DZANK1: variants seen among roughly 807,000 people sequenced by gnomAD.
DZANK1 encodes double zinc ribbon and ankyrin repeat-containing protein 1.
Under a neutral mutation model 94.5 loss-of-function variants are expected in DZANK1, and 91 were observed. That is an observed-to-expected ratio of 0.96 (90% confidence interval 0.81 to 1.15). The LOEUF (loss-of-function observed/expected upper bound fraction) is 1.15, where lower values mean the gene tolerates loss of function less well. Among genes scored for constraint, DZANK1 ranks in the 50% most tolerant of loss-of-function variants. DZANK1 has a pLI of 0.00. For synonymous variants in DZANK1, 312 were observed against 325.3 expected (o/e 0.96, Z 0.44); for missense variants, 903 against 916.4 (o/e 0.99, Z 0.19).
intron 2 of DZANK1, among the ~76,000 whole-genome samples, chr20:18,461,138 C>T (rs899603654): frequency 1.2e-4 from 19 of 152,224 alleles, no homozygotes; most frequent in African/African-American, 3.6e-4. Flanking sequence ...CAACCCACGA[C>T]ACCAGCTTCC....
intron 3 of DZANK1, among the ~76,000 whole-genome samples, chr20:18,459,881 T>C (rs1300971301): frequency 6.6e-6 from 1 of 152,190 alleles, no homozygotes; most frequent in Non-Finnish European, 1.5e-5. Context: ...AGGATCTTCC[T>C]TCCTGAAACC....
In DZANK1 at chr20:18,449,045, C is replaced by T. The variant is rs530328209; in HGVS notation, c.568G>A (p.Gly190Ser). 5.6e-6 allele frequency: 9 copies of T among 1,613,722 alleles called. No homozygotes were observed. The African/African-American group carries it at 6.7e-5, about 12-fold the overall frequency. ...TCCGTGCTTGTCAAACACTTCTGAC[C>T]GCTTACGTGTGCAAAACCGGGGGAC... Residue 190 changes from glycine to serine, a missense_variant, in exon 7 of 21, where the codon GGT becomes AGT. Physicochemically the swap from Gly to Ser is moderately conservative, Grantham distance 56. Transcript: ENST00000262547.
rs1446127199 is a variant in DZANK1, at chr20:18,452,752, TAA to T, written c.476-72_476-71del. The T allele has an allele frequency of 1.3e-5, 20 of 1,546,006 alleles. No individual in the cohort carries two copies. In the South Asian group the frequency reaches 2.4e-4, roughly 19 times the overall value. ...CCTACCTGGACGTCTACAATGATAT[TAA>T]AAACATTATTCTTTGAGCATCTGTA... On this transcript the variant is annotated intron_variant, in intron 5 of 20. Transcript: ENST00000262547.
chr20:18,384,110 A>G, exon 21 of DZANK1: 1 of 204,796 alleles, frequency 4.9e-6, no homozygotes, highest in Non-Finnish European at 9.7e-6. Context: ...CCCAGGCTGG[A>G]GTGCGATGGC....
intron 16 of DZANK1, 103 bp from the exon 17 acceptor site, chr20:18,393,914 T>A: frequency 1.3e-6 from 1 of 788,974 alleles, no homozygotes. Context: ...GAGGATAAAA[T>A]GGCTATCATA....
intron 7 of DZANK1, among the ~76,000 whole-genome samples, chr20:18,447,956 G>A (rs370796281): frequency 6.6e-6 from 1 of 152,070 alleles, no homozygotes; most frequent in Non-Finnish European, 1.5e-5. Flanking sequence ...ATGAAAACGT[G>A]TATACATAAT....
chr20:18,398,718 T>A, intron 13 of DZANK1, 92 bp from the exon 14 acceptor site: 1 of 1,255,390 alleles, frequency 8.0e-7, no homozygotes, highest in Non-Finnish European at 1.2e-6. Flanking sequence ...TTAGAGAGGT[T>A]AATTTCCTTT....
intron 9 of DZANK1, chr20:18,428,788 A>C (rs1323256448): frequency 1.3e-5 from 2 of 152,182 alleles, no homozygotes; most frequent in African/African-American, 4.8e-5. Flanking sequence ...AACAAAGCCC[A>C]GCTCCCAGGG....
At chr20:18,448,853 T>G (rs6081147) in intron 7 of DZANK1, 131 bp downstream of exon 7, 1 of 609,540 alleles carries the variant, frequency 1.6e-6, no homozygotes, top group Admixed American at 3.3e-5. Flanking sequence ...GGTGACAGAG[T>G]GAGACTCCGT....
At chr20:18,446,340 A>T (rs1295644875) in intron 7 of DZANK1, among the ~76,000 whole-genome samples, 1 of 152,202 alleles carries the variant, frequency 6.6e-6, no homozygotes, top group Non-Finnish European at 1.5e-5. Context: ...GGCCCAAAAG[A>T]TACAAGGAAA....
intron 13 of DZANK1, among the ~76,000 whole-genome samples, chr20:18,407,543 T>G (rs866761826): frequency 1.1e-4 from 16 of 152,292 alleles, no homozygotes; most frequent in South Asian, 2.1e-4. Flanking sequence ...ATCACCAGCA[T>G]TCAGGAGAAC....
chr20:18,438,677 T>C (rs541629340), intron 8 of DZANK1, among the ~76,000 whole-genome samples: 1 of 152,368 alleles, frequency 6.6e-6, no homozygotes, highest in African/African-American at 2.4e-5. Context: ...CTGTTCAGGC[T>C]GTGATAACAA....
At chr20:18,448,524 T>C (rs922878248) in intron 7 of DZANK1, among the ~76,000 whole-genome samples, 2 of 152,108 alleles carry the variant, frequency 1.3e-5, no homozygotes, top group African/African-American at 2.4e-5. Flanking sequence ...TAAATACATA[T>C]GCAGTTATTG....
chr20:18,399,635 TCCA>T (rs1303473212), intron 13 of DZANK1, among the ~76,000 whole-genome samples: 2 of 152,336 alleles, frequency 1.3e-5, no homozygotes, highest in Non-Finnish European at 2.9e-5. Flanking sequence ...TGGGTCCCTT[TCCA>T]GTCTGCACAG....
At chr20:18,463,484 TA>T (rs2059542762) in intron 2 of DZANK1, among the ~76,000 whole-genome samples, 1 of 143,462 alleles carries the variant, frequency 7.0e-6, no homozygotes, top group Non-Finnish European at 1.5e-5. Context: ...CCCCCAAGCC[TA>T]AAATAAAAGT....
At chr20:18,385,450 C>T (rs1022832412) in intron 19 of DZANK1, among the ~76,000 whole-genome samples, 1 of 151,722 alleles carries the variant, frequency 6.6e-6, no homozygotes, top group African/African-American at 2.4e-5. Flanking sequence ...GAGTCTTGCT[C>T]TGTCACCCAT....
chr20:18,384,025 G>C (rs1241916363), exon 21 of DZANK1: 1 of 162,412 alleles, frequency 6.2e-6, no homozygotes, highest in Admixed American at 5.8e-5. Flanking sequence ...ACACATTTCA[G>C]AAAGACATGA....
At chr20:18,412,775 T>C (rs865859131) in exon 13 of DZANK1, 2 of 1,613,874 alleles carry the variant, frequency 1.2e-6, no homozygotes, top group Non-Finnish European at 1.7e-6. Context: ...AGGCCAACAG[T>C]CTGTGTTCCT....
chr20:18,446,662 A>G (rs1287867368), intron 7 of DZANK1, among the ~76,000 whole-genome samples: 1 of 152,240 alleles, frequency 6.6e-6, no homozygotes, highest in Non-Finnish European at 1.5e-5. Flanking sequence ...ATATCTATTA[A>G]AGAAATCTAA....
Sources: allele counts gnomAD v4.1 joint callset (sites outside exome capture counted in the v4.1 genomes callset), GRCh38; gene constraint gnomAD v4.1.1; transcripts MANE v1.5; gene names NCBI Gene and HGNC (gene_info 2026-07-23, HGNC 2026-07-21).